TBC1D20: variants seen among roughly 807,000 people sequenced by gnomAD.
The protein encoded by TBC1D20 is TBC1 domain family member 20.
Under a neutral mutation model 41.6 loss-of-function variants are expected in TBC1D20, and 12 were observed. The observed-to-expected ratio is 0.29, with a 90% CI of 0.18 to 0.47. The LOEUF (loss-of-function observed/expected upper bound fraction) is 0.47. Ranked by LOEUF, TBC1D20 falls within the 20% of genes least tolerant of loss-of-function variation. The probability of loss-of-function intolerance (pLI) is 1.00; values close to 1 mark genes in which losing one functional copy is unlikely to be tolerated. For missense variants in TBC1D20, 421 were observed against 517.4 expected (o/e 0.81, Z 1.81); for synonymous variants, 205 against 204.8 (o/e 1.00, Z -0.01).
intron 1 of TBC1D20, among the ~76,000 whole-genome samples, chr20:453,747 TCA>T (rs2017493316): frequency 6.9e-6 from 1 of 144,614 alleles, no homozygotes; most frequent in South Asian, 2.3e-4. Flanking sequence ...AGACAGGGTT[TCA>T]CCATGTTGGT....
chr20:442,715 G>T (rs761323281), intron 3 of TBC1D20, among the ~76,000 whole-genome samples: 5 of 152,290 alleles, frequency 3.3e-5, no homozygotes, highest in Non-Finnish European at 7.3e-5. Flanking sequence ...GGGGTAAAAA[G>T]ATGTCATGTT....
intron 1 of TBC1D20, among the ~76,000 whole-genome samples, chr20:456,994 C>T (rs142127153): frequency 0.022 from 3,095 of 139,084 alleles, 107 homozygotes; most frequent in African/African-American, 0.075. Flanking sequence ...TGGAGTGCAA[C>T]GGCACGATCT....
intron 1 of TBC1D20, among the ~76,000 whole-genome samples, chr20:461,081 G>C (rs1004737301): frequency 7.9e-5 from 12 of 152,144 alleles, no homozygotes; most frequent in African/African-American, 2.9e-4. Flanking sequence ...ATAAAATATA[G>C]ATACCAGGAG....
intron 1 of TBC1D20, among the ~76,000 whole-genome samples, chr20:451,429 T>C (rs1053951102): frequency 1.3e-5 from 2 of 152,058 alleles, no homozygotes; most frequent in African/African-American, 2.4e-5. Flanking sequence ...GCGCTTGTGG[T>C]CCCAGCTACT....
chr20:449,266 T>C (rs111405620), intron 1 of TBC1D20, among the ~76,000 whole-genome samples: 44,292 of 94,624 alleles, frequency 0.47, 11,302 homozygotes, highest in African/African-American at 0.62. Context: ...GATTCTCCTG[T>C]CTCAGCCTCC....
rs1449893835 is a variant in TBC1D20, at chr20:438,220, C to T, written c.*366G>A. On this transcript the variant is annotated 3_prime_UTR_variant, in exon 8 of 8. Coordinates refer to ENST00000354200, the MANE Select transcript of TBC1D20 (RefSeq NM_144628.4). Reference sequence around the variant, plus strand: ...TAAGAGGGCATCCCATGTTCCAGTTCACCTTCTATGGGGTGACTAGGAGGT... The same window carrying T: ...TAAGAGGGCATCCCATGTTCCAGTTTACCTTCTATGGGGTGACTAGGAGGT... The T allele has an allele frequency of 1.9e-5, 4 of 211,294 alleles. No homozygotes were observed. The highest frequency in any genetic ancestry group is 6.9e-5 in the African/African-American group (3 of 43,320). The allele number at this position is 211,294 out of a possible 1,614,324, so 13.1% of individuals were successfully genotyped here.
Position 439,105 on chromosome 20 carries a change from C to T in TBC1D20, c.956+3G>A. On this transcript the variant is annotated splice_donor_region_variant and intron_variant, in intron 7 of 7. Coordinates refer to ENST00000354200, the MANE Select transcript of TBC1D20 (RefSeq NM_144628.4). The surrounding 1 kb of genome is among the most constrained non-coding windows in gnomAD (Gnocchi z 4.6). Reference sequence around the variant, plus strand: ...ATTCAACCAGTGTCCCAGCCTTGCTCACCTCTCAGCTTGCTGTTGGGCAGC... The same window carrying T: ...ATTCAACCAGTGTCCCAGCCTTGCTTACCTCTCAGCTTGCTGTTGGGCAGC... The T allele has an allele frequency of 6.2e-7, 1 of 1,608,054 alleles. No homozygotes were observed. Among genetic ancestry groups the T allele is most frequent in the East Asian group, 2.2e-5 (1 of 44,874 alleles).
At chr20:446,744 T>C (rs2017339755) in intron 2 of TBC1D20, among the ~76,000 whole-genome samples, 1 of 152,014 alleles carries the variant, frequency 6.6e-6, no homozygotes, top group South Asian at 2.1e-4. Flanking sequence ...CAAGTAATCC[T>C]GCCTCATCCT....
At chr20:445,739 T>G (rs1354151402) in intron 2 of TBC1D20, among the ~76,000 whole-genome samples, 1 of 152,204 alleles carries the variant, frequency 6.6e-6, no homozygotes, top group Non-Finnish European at 1.5e-5. Context: ...ATATAACAAG[T>G]GTACATTTCC....
chr20:445,340 G>A (rs1568577497), intron 2 of TBC1D20, among the ~76,000 whole-genome samples: 1 of 152,156 alleles, frequency 6.6e-6, no homozygotes, highest in Non-Finnish European at 1.5e-5. Flanking sequence ...CTAAGAGAAG[G>A]GAGCACAGAC....
chr20:451,915 T>C (rs2017448794), intron 1 of TBC1D20, among the ~76,000 whole-genome samples: 1 of 152,240 alleles, frequency 6.6e-6, no homozygotes, highest in Admixed American at 6.5e-5. Context: ...TAGAATCTTA[T>C]TTGGAATTGA....
Position 438,642 on chromosome 20 carries a change from C to G in TBC1D20, c.1156G>C (p.Val386Leu). 6.2e-7 allele frequency: 1 copy of G among 1,614,238 alleles called. No individual in the cohort carries two copies. The highest frequency in any genetic ancestry group is 8.5e-7 in the Non-Finnish European group (1 of 1,180,046). ...GCCCATTCCAGGGCACTTTTCACCA[C>G]AGCCAGTGCAGCCGCTCCAAGTGCC... ...TVALGAAALA[V>L]VKSALEWAPK... The change falls in exon 8 of 8, where the codon GTG becomes CTG. Residue 386 changes from valine to leucine, a missense_variant. Physicochemically the swap from Val to Leu is conservative, Grantham distance 32 (BLOSUM62 1). Transcript: ENST00000354200.
chr20:448,518 G>A lies in TBC1D20; in HGVS notation c.71-444C>T, dbSNP rs970022659. ...AGCCTGGCCAATATGGTGAACCCCC[G>A]TCTCTCCTAAAAATACAAAAATTAG... On this transcript the variant is annotated intron_variant, in intron 1 of 7. Coordinates refer to ENST00000354200, the MANE Select transcript of TBC1D20 (RefSeq NM_144628.4). 9.2e-5 allele frequency among the ~76,000 whole-genome samples: 14 copies of A among 151,710 alleles called. No individual in the cohort carries two copies. In the South Asian group the frequency reaches 2.5e-3, roughly 27 times the overall value.
At chr20:462,043 C>A (rs1480631788) in intron 1 of TBC1D20, among the ~76,000 whole-genome samples, 1 of 152,176 alleles carries the variant, frequency 6.6e-6, no homozygotes, top group African/African-American at 2.4e-5. Context: ...CCAGTCCTCT[C>A]CAGATGGAAG....
intron 1 of TBC1D20, 91 bp downstream of exon 1, chr20:462,245 C>T (rs1418077361): frequency 2.9e-5 from 27 of 942,536 alleles, no homozygotes; most frequent in South Asian, 4.6e-5. Context: ...GGTCCCCAGC[C>T]CGCGCCCCTC....
At chr20:450,713 G>C in intron 1 of TBC1D20, 1 of 152,224 alleles carries the variant, frequency 6.6e-6, no homozygotes, top group East Asian at 1.9e-4. Flanking sequence ...CAATCAGTTA[G>C]ATTTCTTTGT....
At chr20:451,242 A>G (rs935547823) in intron 1 of TBC1D20, among the ~76,000 whole-genome samples, 1 of 152,102 alleles carries the variant, frequency 6.6e-6, no homozygotes, top group Admixed American at 6.6e-5. Flanking sequence ...GTGTAAGACG[A>G]CCTTTTTAAA....
At chr20:458,243 G>A (rs909655347) in intron 1 of TBC1D20, among the ~76,000 whole-genome samples, 24 of 151,790 alleles carry the variant, frequency 1.6e-4, no homozygotes, top group African/African-American at 5.8e-4. Flanking sequence ...TTGCCAGAAT[G>A]TTACTTAATT....
rs2017179880 is a variant in TBC1D20 at position 439,245 on chromosome 20, G to A, written c.819C>T (p.Ala273=). Residue 273 remains alanine, a synonymous_variant, in exon 7 of 8, where the codon GCC becomes GCT. Coordinates refer to ENST00000354200, the MANE Select transcript of TBC1D20 (RefSeq NM_144628.4). The surrounding 1 kb of genome is among the most constrained non-coding windows in gnomAD (Gnocchi z 4.6). ...QEVLDCDCDM[A]SVHHLLSQIP... ...TCTGGGACAACAGGTGGTGGACCGA[G>A]GCCATGTCACAGTCACAGTCCAGGA... 1.2e-6 allele frequency: 2 copies of A among 1,614,014 alleles called. No homozygotes were observed. The highest frequency in any genetic ancestry group is 3.3e-5 in the Admixed American group (2 of 59,978).
Sources: gnomAD v4.1 joint callset for allele counts (sites outside exome capture counted in the v4.1 genomes callset) on GRCh38, gnomAD v4.1.1 for gene constraint, Gnocchi (gnomAD v3.1) non-coding constraint, MANE v1.5 for transcripts, NCBI Gene and HGNC (gene_info 2026-07-23, HGNC 2026-07-21) for gene names.